ZDHHC11: variants seen among roughly 807,000 people sequenced by gnomAD.
The protein encoded by ZDHHC11 is zDHHC palmitoyltransferase 11, also known as palmitoyltransferase ZDHHC11.
A neutral mutation model predicts 51.3 loss-of-function variants in ZDHHC11; 44 were observed. The ratio of observed to expected loss-of-function variants is 0.86; its 90% CI spans 0.67 to 1.10. ZDHHC11 has a LOEUF of 1.10. ZDHHC11 is among the 50% of genes least tolerant of loss of function. The probability of loss-of-function intolerance (pLI) is 0.00; values close to 1 mark genes in which losing one functional copy is unlikely to be tolerated. For missense variants in ZDHHC11, 400 were observed against 537.7 expected (o/e 0.74, Z 2.53); for synonymous variants, 163 against 222.0 (o/e 0.73, Z 2.36).
At chr5:851,481 C>T (rs562014979), upstream of ZDHHC11, among the ~76,000 whole-genome samples, 67 of 152,296 alleles carry the variant, frequency 4.4e-4, no homozygotes, top group African/African-American at 1.6e-3. Context: ...CGTTATGCCT[C>T]GCTCAAAGTC....
At position 795,839 on chromosome 5, in the gene ZDHHC11, C is replaced by G. The variant is rs201303001; in HGVS notation, c.*749G>C. On this transcript the variant is annotated 3_prime_UTR_variant, in exon 13 of 13. Transcript: ENST00000283441. Reference sequence around the variant, plus strand: ...TTCCCAGTACTGTGCTCCCATTTCCCAGTACTATGCTCCCATTTCCGAGTA... The same window carrying G: ...TTCCCAGTACTGTGCTCCCATTTCCGAGTACTATGCTCCCATTTCCGAGTA... 1 of 132,812 alleles carries G rather than the reference C, an allele frequency of 7.5e-6. No homozygotes were observed. Among genetic ancestry groups the G allele is most frequent in the African/African-American group, 3.2e-5 (1 of 30,912 alleles). 8.2% of individuals were successfully genotyped at this position (132,812 alleles called of 1,614,324 possible).
At chr5:815,178 G>GT (rs1307954715) in intron 10 of ZDHHC11, among the ~76,000 whole-genome samples, 2 of 151,576 alleles carry the variant, frequency 1.3e-5, no homozygotes, top group African/African-American at 4.8e-5. Flanking sequence ...AGGGAAGACT[G>GT]GGAGGACACA....
intron 8 of ZDHHC11, chr5:823,849 A>G: frequency 2.9e-6 from 1 of 348,624 alleles, no homozygotes; most frequent in East Asian, 7.4e-5. Context: ...ACAGGCAGAG[A>G]AACTCCCATG....
chr5:845,412 C>G (rs1745977028), intron 3 of ZDHHC11, among the ~76,000 whole-genome samples: 1 of 151,262 alleles, frequency 6.6e-6, no homozygotes, highest in Admixed American at 6.5e-5. Flanking sequence ...TGGGGCAGAG[C>G]CATTCACGCG....
chr5:859,317 C>G (rs1210977100), upstream of ZDHHC11, among the ~76,000 whole-genome samples: 1 of 152,108 alleles, frequency 6.6e-6, no homozygotes, highest in Admixed American at 6.5e-5. Context: ...TACTAGCCTG[C>G]AAAAGAGCTC....
At chr5:820,987 G>A (rs1481584156) in intron 9 of ZDHHC11, among the ~76,000 whole-genome samples, 1 of 151,236 alleles carries the variant, frequency 6.6e-6, no homozygotes, top group East Asian at 1.9e-4. Context: ...GATGGGGAAA[G>A]GTGCAATATT....
intron 4 of ZDHHC11, chr5:842,030 C>T: frequency 1.0e-6 from 1 of 986,960 alleles, no homozygotes; most frequent in Non-Finnish European, 1.2e-6. Flanking sequence ...TGAGTTCAGC[C>T]CATGAGAAGA....
chr5:831,506 C>A (rs1743077166), intron 7 of ZDHHC11, among the ~76,000 whole-genome samples: 2 of 148,378 alleles, frequency 1.3e-5, no homozygotes, highest in African/African-American at 4.9e-5. Flanking sequence ...TCGCTTCAAC[C>A]CAGGAGGCAG....
At chr5:855,150 C>CA (rs1747991467), upstream of ZDHHC11, among the ~76,000 whole-genome samples, 1 of 145,316 alleles carries the variant, frequency 6.9e-6, no homozygotes, top group African/African-American at 2.6e-5. Context: ...GACAGCGAGC[C>CA]GGGGGACACA....
chr5:850,451 C>G lies in ZDHHC11; in HGVS notation c.152G>C (p.Gly51Ala). 2 of 1,613,670 alleles carry G rather than the reference C, an allele frequency of 1.2e-6. No homozygotes were observed. The highest frequency in any genetic ancestry group is 1.7e-6 in the Non-Finnish European group (2 of 1,180,024). The change falls in exon 1 of 13, where the codon GGC becomes GCC. Residue 51 changes from glycine (G) to alanine (A), a missense_variant. Around this residue, in one of 5 missense-constraint regions of ZDHHC11, gnomAD observed 119 missense variants for 99.6 expected, o/e 1.20. Coordinates refer to ENST00000283441, the MANE Select transcript of ZDHHC11 (RefSeq NM_024786.3). ...FQVVTWAVFV[G>A]LSSATFGIFI... Reference sequence around the variant, plus strand: ...GATCCCGAAGGTGGCCGAGGAAAGGCCCACGAAGACAGCCCAGGTCACCAC... The same window carrying G: ...GATCCCGAAGGTGGCCGAGGAAAGGGCCACGAAGACAGCCCAGGTCACCAC...
intron 3 of ZDHHC11, among the ~76,000 whole-genome samples, chr5:844,447 G>A (rs2150424919): frequency 6.6e-6 from 1 of 152,420 alleles, no homozygotes; most frequent in African/African-American, 2.4e-5. Flanking sequence ...CGTCTCCAGT[G>A]TCACAGCTCT....
chr5:819,723 G>A lies in ZDHHC11; in HGVS notation c.1059-111C>T, dbSNP rs1408720332. 24 of 1,157,222 alleles carry A rather than the reference G, an allele frequency of 2.1e-5. 1 individual carries two copies. Among genetic ancestry groups the A allele is most frequent in the Non-Finnish European group, 2.7e-5 (21 of 788,226 alleles). 71.7% of individuals were successfully genotyped at this position (1,157,222 alleles called of 1,614,324 possible). A position where few individuals can be genotyped will look rare whatever the true frequency, so the allele number is the denominator to read the frequency against. ...AGCACCACTGCAGTGGGGCCCATGT[G>A]TCTCAGAAACTGGAGACCAGCAGCT... is the stretch of plus-strand genomic sequence containing the variant. On this transcript the variant is annotated intron_variant, in intron 9 of 12. Coordinates refer to ENST00000283441, the MANE Select transcript of ZDHHC11 (RefSeq NM_024786.3).
chr5:836,726 T>C (rs903172000), intron 6 of ZDHHC11, among the ~76,000 whole-genome samples: 1 of 149,728 alleles, frequency 6.7e-6, no homozygotes, highest in African/African-American at 2.5e-5. Context: ...TAATAATTCA[T>C]GTCACTTAAC....
chr5:844,093 T>C (rs138606331), intron 3 of ZDHHC11, among the ~76,000 whole-genome samples: 4,406 of 147,748 alleles, frequency 0.03, 177 homozygotes, highest in African/African-American at 0.11. Context: ...GACAGGTCAG[T>C]GTGGGCGTCC....
intron 1 of ZDHHC11, 83 bp downstream of exon 1, chr5:850,298 T>C (rs1746977434): frequency 1.3e-6 from 2 of 1,489,698 alleles, no homozygotes; most frequent in Non-Finnish European, 1.8e-6. Flanking sequence ...CGGGCAGCCA[T>C]GGCCCAGACC....
At chr5:804,393 G>T (rs968947340) in intron 11 of ZDHHC11, among the ~76,000 whole-genome samples, 7 of 151,100 alleles carry the variant, frequency 4.6e-5, no homozygotes, top group Non-Finnish European at 7.4e-5. Flanking sequence ...GTCTTGGAAC[G>T]TATCCCCCAC....
At chr5:834,795 A>C (rs1381587044) in intron 6 of ZDHHC11, among the ~76,000 whole-genome samples, 3 of 152,000 alleles carry the variant, frequency 2.0e-5, no homozygotes, top group Non-Finnish European at 4.4e-5. Context: ...TTTAGCAATA[A>C]AGCACTTTTA....
At chr5:854,702 G>A (rs971313707), upstream of ZDHHC11, among the ~76,000 whole-genome samples, 1 of 150,454 alleles carries the variant, frequency 6.6e-6, no homozygotes, top group African/African-American at 2.4e-5. Flanking sequence ...AGCAAGCCGG[G>A]GGGACAGACC....
Position 850,274 on chromosome 5 carries a change from G to C in ZDHHC11, c.222+107C>G, listed in dbSNP as rs1308661054. ...GGGGACATAGTCTGGCCCAGGGCAG[G>C]TGACTGGTGCCACCGGGCAGCCATG... On this transcript the variant is annotated intron_variant, in intron 1 of 12. Coordinates refer to ENST00000283441, the MANE Select transcript of ZDHHC11 (RefSeq NM_024786.3). 3.7e-5 allele frequency: 48 copies of C among 1,301,552 alleles called. 1 individual carries two copies. In the East Asian group the frequency reaches 1.2e-3, roughly 33 times the overall value. The allele number at this position is 1,301,552 out of a possible 1,614,324, so 80.6% of individuals were successfully genotyped here. A position where few individuals can be genotyped will look rare whatever the true frequency, so the allele number is the denominator to read the frequency against.
Sources: allele counts gnomAD v4.1 joint callset (sites outside exome capture counted in the v4.1 genomes callset), GRCh38; gene constraint gnomAD v4.1.1; regional missense constraint gnomAD v4.1.1; transcripts MANE v1.5; gene names NCBI Gene and HGNC (gene_info 2026-07-23, HGNC 2026-07-21).